MTSS1: variants seen among roughly 807,000 people sequenced by gnomAD.
MTSS1 encodes the protein protein MTSS 1.
MTSS1 carries 18 observed loss-of-function variants against 79.0 expected under a neutral mutation model. The observed-to-expected ratio is 0.23, with a 90% confidence interval of 0.16 to 0.34. The LOEUF is 0.34. Ranked by LOEUF, MTSS1 falls within the 10% of genes least tolerant of loss-of-function variation. The pLI is 1.00. For synonymous variants in MTSS1, 341 were observed against 368.6 expected (o/e 0.93, Z 0.86); for missense variants, 815 against 986.2 (o/e 0.83, Z 2.33).
intron 2 of MTSS1, 142 bp from the exon 3 acceptor site, chr8:124,699,741 C>T: frequency 1.4e-6 from 1 of 707,438 alleles, no homozygotes; most frequent in Non-Finnish European, 2.4e-6. Context: ...CAACCACTGT[C>T]TTGCTGAACC....
At chr8:124,695,902 T>C (rs1453674997) in intron 3 of MTSS1, among the ~76,000 whole-genome samples, 1 of 151,632 alleles carries the variant, frequency 6.6e-6, no homozygotes, top group Non-Finnish European at 1.5e-5. Flanking sequence ...TTTGTTTATA[T>C]ATGCAAAAAC....
At chr8:124,673,589 A>G (rs1824701817) in intron 3 of MTSS1, 1 of 152,162 alleles carries the variant, frequency 6.6e-6, no homozygotes, top group African/African-American at 2.4e-5. Flanking sequence ...TTTAAGCACC[A>G]TGACTTCATT....
intron 3 of MTSS1, among the ~76,000 whole-genome samples, chr8:124,659,671 T>C (rs923489344): frequency 9.8e-5 from 15 of 152,330 alleles, no homozygotes; most frequent in Non-Finnish European, 2.1e-4. Context: ...AGACCAGATA[T>C]GATTGTTGTC....
At chr8:124,556,952 G>A (rs1375159808) in intron 11 of MTSS1, among the ~76,000 whole-genome samples, 1 of 152,356 alleles carries the variant, frequency 6.6e-6, no homozygotes, top group African/African-American at 2.4e-5. Context: ...AGCCTTGAGA[G>A]GCCCACACCG....
chr8:124,579,641 T>C (rs1349392249), intron 6 of MTSS1: 1 of 152,208 alleles, frequency 6.6e-6, no homozygotes, highest in Non-Finnish European at 1.5e-5. Context: ...AGGATGATCC[T>C]TTTTAAAGTT....
chr8:124,695,292 A>C (rs1828609631), intron 3 of MTSS1, among the ~76,000 whole-genome samples: 1 of 152,086 alleles, frequency 6.6e-6, no homozygotes, highest in Non-Finnish European at 1.5e-5. Context: ...AGATGCACTT[A>C]ATGATAACTG....
intron 3 of MTSS1, among the ~76,000 whole-genome samples, chr8:124,670,850 T>A (rs981433758): frequency 6.6e-6 from 1 of 152,098 alleles, no homozygotes. Flanking sequence ...CTCCTCCCTC[T>A]GAGGACATCA....
intron 3 of MTSS1, among the ~76,000 whole-genome samples, chr8:124,650,426 C>A (rs1034795695): frequency 2.6e-5 from 4 of 152,200 alleles, no homozygotes; most frequent in African/African-American, 9.7e-5. Context: ...TCAGAACACA[C>A]AGGATGGACA....
intron 3 of MTSS1, among the ~76,000 whole-genome samples, chr8:124,695,600 T>G (rs999508284): frequency 3.9e-5 from 6 of 152,186 alleles, no homozygotes; most frequent in African/African-American, 7.2e-5. Context: ...CAGCAGAGCT[T>G]GTAGTAGCAA....
At chr8:124,568,338 C>T in intron 7 of MTSS1, 41 bp downstream of exon 7, 1 of 1,594,076 alleles carries the variant, frequency 6.3e-7, no homozygotes. Context: ...GCCACCTCTA[C>T]ACCAGCAGTT....
chr8:124,682,247 G>A (rs1826239639), intron 3 of MTSS1, among the ~76,000 whole-genome samples: 1 of 152,144 alleles, frequency 6.6e-6, no homozygotes, highest in Admixed American at 6.5e-5. Flanking sequence ...TCAGAGCAGG[G>A]GTGGGGACAC....
Position 124,591,171 on chromosome 8 carries a change from G to A in MTSS1, c.273C>T (p.Ala91=), listed in dbSNP as rs370543128. ...RMCMRHRSIE[A]KLRQFSSALI... The stretch of plus-strand genomic sequence containing the variant: ...CTCACCTCGAAAACTGCCTCAGCTT[G>A]GCTTCAATGCTTCTGTGCCTCATGC... Residue 91 remains alanine, a synonymous_variant, in exon 4 of 14, where the codon GCC becomes GCT. Transcript: ENST00000518547. 3 of 1,614,214 alleles carry A rather than the reference G, an allele frequency of 1.9e-6. No homozygotes were observed. The highest frequency in any genetic ancestry group is 2.2e-5 in the South Asian group (2 of 91,088).
intron 9 of MTSS1, among the ~76,000 whole-genome samples, chr8:124,565,229 C>T (rs16899708): frequency 0.085 from 12,952 of 152,202 alleles, 608 homozygotes; most frequent in East Asian, 0.18. Flanking sequence ...TTATGAAACC[C>T]TGAAACAAAA....
At chr8:124,619,809 A>G (rs4870914) in intron 3 of MTSS1, among the ~76,000 whole-genome samples, 77,377 of 152,084 alleles carry the variant, frequency 0.51, 21,513 homozygotes, top group African/African-American at 0.72. Flanking sequence ...TGTCTGCTTT[A>G]TGATGAGTCC....
chr8:124,716,347 C>T (rs936554783), intron 1 of MTSS1, among the ~76,000 whole-genome samples: 1 of 152,204 alleles, frequency 6.6e-6, no homozygotes, highest in Non-Finnish European at 1.5e-5. Context: ...CGAGATCATG[C>T]TCTGCCTAGG....
rs1346336839 is a variant in MTSS1 at position 124,557,672 on chromosome 8, GAC to G, written c.1230+7_1230+8del. On this transcript the variant is annotated splice_region_variant and intron_variant, in intron 11 of 13. Coordinates refer to ENST00000518547, the MANE Select transcript of MTSS1 (RefSeq NM_014751.6). ...TGACGGGGAGAGGAGGAGGGGGAGA[GAC>G]ACAAACCTTCCAGCTAGGGATCTGA... The G allele has an allele frequency of 1.3e-6, 2 of 1,563,508 alleles. No individual in the cohort carries two copies. Among genetic ancestry groups the G allele is most frequent in the East Asian group, 2.4e-5 (1 of 41,774 alleles).
chr8:124,557,941 A>G (rs779760936), intron 10 of MTSS1, 66 bp from the exon 11 acceptor site: 6 of 1,283,778 alleles, frequency 4.7e-6, no homozygotes, highest in African/African-American at 1.5e-5. Context: ...GAGTGCGGAG[A>G]TACAAAATGG....
At chr8:124,648,892 G>T (rs1819470946) in intron 3 of MTSS1, among the ~76,000 whole-genome samples, 1 of 152,170 alleles carries the variant, frequency 6.6e-6, no homozygotes, top group Non-Finnish European at 1.5e-5. Context: ...GTACTATGGG[G>T]TCCACCCGGG....
chr8:124,602,696 G>C (rs575875200), intron 3 of MTSS1, among the ~76,000 whole-genome samples: 1 of 152,310 alleles, frequency 6.6e-6, no homozygotes, highest in East Asian at 1.9e-4. Flanking sequence ...GGGCTAGCCA[G>C]ACCTCGGCTA....
Sources: allele counts gnomAD v4.1 joint callset (sites outside exome capture counted in the v4.1 genomes callset), GRCh38; gene constraint gnomAD v4.1.1; transcripts MANE v1.5; gene names NCBI Gene and HGNC (gene_info 2026-07-23, HGNC 2026-07-21).